The following CACNA1A variants were observed in gnomAD, a reference collection of about 807,000 sequenced individuals.
CACNA1A encodes the protein voltage-dependent P/Q-type calcium channel subunit alpha-1A.
CACNA1A carries 57 observed loss-of-function variants against 262.4 expected under a neutral mutation model. The ratio of observed to expected loss-of-function variants is 0.22; its 90% confidence interval spans 0.18 to 0.27. CACNA1A has a LOEUF of 0.27. Ranked by LOEUF, CACNA1A falls within the 10% of genes least tolerant of loss-of-function variation. The pLI, the probability that CACNA1A is intolerant of heterozygous loss-of-function variation, is 1.00. For missense variants in CACNA1A, 2,526 were observed against 3,562.8 expected (o/e 0.71, Z 7.41); for synonymous variants, 1,431 against 1,419.3 (o/e 1.01, Z -0.18).
intron 15 of CACNA1A, among the ~76,000 whole-genome samples, chr19:13,306,104 T>C (rs1240142928): frequency 1.3e-5 from 2 of 151,020 alleles, no homozygotes; most frequent in African/African-American, 2.4e-5. Flanking sequence ...AGAACTTCCC[T>C]TCATGGAAGG....
intron 8 of CACNA1A, 124 bp from the exon 9 acceptor site, chr19:13,333,049 C>T (rs751210068): frequency 6.4e-5 from 43 of 669,970 alleles, no homozygotes; most frequent in Non-Finnish European, 1.1e-4. Flanking sequence ...GCTCAACCGA[C>T]CAAAAAACAT....
At chr19:13,401,119 C>T (rs1477537667) in intron 3 of CACNA1A, among the ~76,000 whole-genome samples, 1 of 152,216 alleles carries the variant, frequency 6.6e-6, no homozygotes, top group African/African-American at 2.4e-5. Flanking sequence ...CCACTGTTGC[C>T]TGTCCAGGAC....
chr19:13,503,526 C>T (rs908571952), intron 1 of CACNA1A, among the ~76,000 whole-genome samples: 18 of 151,762 alleles, frequency 1.2e-4, no homozygotes, highest in Middle Eastern at 3.2e-3. Context: ...GCCCTGGTAT[C>T]GTGACTCTGA....
chr19:13,275,529 A>G, intron 24 of CACNA1A: 1 of 355,762 alleles, frequency 2.8e-6, no homozygotes. Context: ...GCGCTTGTGG[A>G]GTAGTAGGGG....
intron 3 of CACNA1A, among the ~76,000 whole-genome samples, chr19:13,427,942 G>GTTT (rs1311890494): frequency 2.1e-4 from 32 of 151,148 alleles, no homozygotes; most frequent in African/African-American, 7.6e-4. Context: ...ATAATAACAG[G>GTTT]TTGTTTTTTT....
At chr19:13,447,107 G>A (rs2060830688) in intron 3 of CACNA1A, among the ~76,000 whole-genome samples, 1 of 152,088 alleles carries the variant, frequency 6.6e-6, no homozygotes, top group African/African-American at 2.4e-5. Flanking sequence ...AAAGGAGAAG[G>A]GGATGTGAAA....
intron 30 of CACNA1A, among the ~76,000 whole-genome samples, chr19:13,247,397 A>G (rs560181949): frequency 2.0e-5 from 3 of 152,312 alleles, no homozygotes; most frequent in African/African-American, 7.2e-5. Flanking sequence ...AACTGCCTAA[A>G]AAAGGAATTC....
intron 3 of CACNA1A, among the ~76,000 whole-genome samples, chr19:13,375,556 G>GGT (rs1456875366): frequency 1.3e-5 from 2 of 152,164 alleles, no homozygotes; most frequent in Non-Finnish European, 2.9e-5. Flanking sequence ...GGGAGGCTGA[G>GGT]GTGAGAGGAT....
In CACNA1A at chr19:13,212,321, G is replaced by A. The variant is rs979108398; in HGVS notation, c.6189+63C>T. 25 of 1,597,648 alleles carry A rather than the reference G, an allele frequency of 1.6e-5. No individual in the cohort carries two copies. The highest frequency in any genetic ancestry group is 1.5e-4 in the African/African-American group (11 of 74,648). ...CAGGTGTGTGTGTGTGGGGGGCCCA[G>A]ATCCCTTCCACCTGAACCACCCGGG... On this transcript the variant is annotated intron_variant, in intron 42 of 46. Transcript: ENST00000360228. The surrounding 1 kb of genome is among the most constrained non-coding windows in gnomAD (Gnocchi z 5.6).
chr19:13,219,582 C>T (rs2055143834), intron 38 of CACNA1A, among the ~76,000 whole-genome samples: 1 of 152,142 alleles, frequency 6.6e-6, no homozygotes. Context: ...AAAAGCTGCC[C>T]TTCTGCCAAG....
intron 12 of CACNA1A, among the ~76,000 whole-genome samples, chr19:13,310,160 A>G (rs906633881): frequency 7.2e-5 from 11 of 152,000 alleles, no homozygotes. Flanking sequence ...TCATCCTTAA[A>G]AAATACAGTT....
chr19:13,252,365 T>C (rs2056423466), intron 30 of CACNA1A, among the ~76,000 whole-genome samples: 2 of 151,846 alleles, frequency 1.3e-5, no homozygotes, highest in Admixed American at 6.6e-5. Context: ...TGAGCCACTG[T>C]GCTCAGCCTG....
intron 3 of CACNA1A, among the ~76,000 whole-genome samples, chr19:13,386,209 C>A (rs1475034765): frequency 5.3e-5 from 8 of 151,776 alleles, no homozygotes; most frequent in Non-Finnish European, 1.2e-4. Context: ...ATCCAAGAGC[C>A]ACCACCACTA....
rs373163978 is a variant in CACNA1A, at chr19:13,318,817, CTGAA to C, written c.1346-1500_1346-1497del. The stretch of plus-strand genomic sequence containing the variant: ...CCTTAAGGGATGGAGCTCTCATCCA[CTGAA>C]TGGGCACAGGTTTAGGGGAAGGTCA... On this transcript the variant is annotated intron_variant, in intron 10 of 46. Coordinates refer to ENST00000360228, the MANE Select transcript of CACNA1A (RefSeq NM_001127222.2). Among the ~76,000 whole-genome samples, 771 of 151,232 alleles carry C rather than the reference CTGAA, an allele frequency of 5.1e-3. 6 individuals carry two copies. The highest frequency in any genetic ancestry group is 0.018 in the African/African-American group (732 of 41,102).
At chr19:13,476,890 A>G (rs1358204376) in intron 1 of CACNA1A, among the ~76,000 whole-genome samples, 1 of 151,952 alleles carries the variant, frequency 6.6e-6, no homozygotes, top group Non-Finnish European at 1.5e-5. Context: ...CCCAACCTTC[A>G]AAGTCTGTTC....
chr19:13,259,344 G>GTTTTTTTTTT (rs2056665416), intron 27 of CACNA1A: 1 of 9,030 alleles, frequency 1.1e-4, no homozygotes, highest in Non-Finnish European at 2.6e-4. Flanking sequence ...TTTTTTTTTG[G>GTTTTTTTTTT]GATTTTTAGT....
At chr19:13,480,183 A>G (rs1438676716) in intron 1 of CACNA1A, among the ~76,000 whole-genome samples, 1 of 152,200 alleles carries the variant, frequency 6.6e-6, no homozygotes, top group Non-Finnish European at 1.5e-5. Flanking sequence ...TTTGTTTCCA[A>G]TAACAGTTAC....
At chr19:13,307,656 T>A (rs533269839) in intron 15 of CACNA1A, 126 bp downstream of exon 15, 1 of 711,406 alleles carries the variant, frequency 1.4e-6, no homozygotes, top group African/African-American at 1.8e-5. Context: ...AAATCTGTGT[T>A]TCAAAGTGGT....
chr19:13,218,000 T>G (rs1033013136), intron 38 of CACNA1A, among the ~76,000 whole-genome samples: 2 of 147,342 alleles, frequency 1.4e-5, no homozygotes, highest in Non-Finnish European at 3.0e-5. Flanking sequence ...GGTCTCGAAC[T>G]CCTGGCCTCA....
Sources: gnomAD v4.1 joint callset for allele counts (sites outside exome capture counted in the v4.1 genomes callset) on GRCh38, gnomAD v4.1.1 for gene constraint, Gnocchi (gnomAD v3.1) non-coding constraint, MANE v1.5 for transcripts, NCBI Gene and HGNC (gene_info 2026-07-23, HGNC 2026-07-21) for gene names.